The following FAM149A variants were observed in gnomAD, a reference collection of about 807,000 sequenced individuals.
FAM149A encodes family with sequence similarity 149 member A.
Under a neutral mutation model 78.2 loss-of-function variants are expected in FAM149A, and 71 were observed. The observed-to-expected ratio is 0.91, with a 90% CI of 0.75 to 1.11. FAM149A has a LOEUF of 1.11. Among genes scored for constraint, FAM149A ranks in the 50% least tolerant of loss-of-function variants. FAM149A has a pLI of 0.00. For missense variants in FAM149A, 1,036 were observed against 971.0 expected, an observed-to-expected ratio of 1.07 and a Z score of -0.89; for synonymous variants, 446 against 410.5, an observed-to-expected ratio of 1.09 and a Z score of -1.04.
Position 186,157,576 on chromosome 4 carries a change from CAG to C in FAM149A, c.1438_1439del (p.Glu480AsnfsTer55), listed in dbSNP as rs774121615. 1.5e-5 allele frequency: 25 copies of C among 1,613,856 alleles called. No homozygotes were observed. The highest frequency in any genetic ancestry group is 1.3e-4 in the South Asian group (12 of 91,078). ...TTCTGTTGACACAGAAGGGAAAAAA[CAG>C]AGAGAAACATTGAAAGTGGCTGGAA... On this transcript the variant is annotated frameshift_variant, in exon 8 of 14. Transcript: ENST00000389354. LOFTEE classifies it high-confidence loss of function.
intron 8 of FAM149A, chr4:186,158,465 A>G (rs1734246943): frequency 8.9e-7 from 1 of 1,123,404 alleles, no homozygotes; most frequent in Admixed American, 4.2e-5. Flanking sequence ...CACCCATGGG[A>G]GTCCACGCCT....
chr4:186,123,738 T>C (rs1579800252), intron 1 of FAM149A: 5 of 638,580 alleles, frequency 7.8e-6, no homozygotes, highest in African/African-American at 7.8e-5. Flanking sequence ...GATTCTTATG[T>C]TTCCTCTAAG....
chr4:186,165,424 G>C lies in FAM149A; in HGVS notation c.1970G>C (p.Arg657Thr). 6.2e-7 allele frequency: 1 copy of C among 1,614,010 alleles called. No homozygotes were observed. The highest frequency in any genetic ancestry group is 8.5e-7 in the Non-Finnish European group (1 of 1,179,886). The change falls in exon 11 of 14, where the codon AGG (arginine) becomes ACG (threonine). Residue 657 changes from arginine to threonine, a missense_variant. Physicochemically the swap from Arg to Thr is moderately conservative, Grantham distance 71. Around this residue, in one of 3 missense-constraint regions of FAM149A, gnomAD observed 716 missense variants for 711.8 expected, o/e 1.01. Coordinates refer to ENST00000389354, the MANE Select transcript of FAM149A (RefSeq NM_001367768.3). ...TTCCCCCCGCTAGTCACGGAGACCAGGGGGCAGAATACAGCAGTTCCTGGA... is the reference window on the plus strand; with the variant it reads ...TTCCCCCCGCTAGTCACGGAGACCACGGGGCAGAATACAGCAGTTCCTGGA...
chr4:186,106,804 G>T (rs756400108), intron 1 of FAM149A, among the ~76,000 whole-genome samples: 1 of 152,002 alleles, frequency 6.6e-6, no homozygotes, highest in Non-Finnish European at 1.5e-5. Flanking sequence ...AAAATTAGCC[G>T]GGCGTGGTGG....
intron 1 of FAM149A, among the ~76,000 whole-genome samples, chr4:186,119,980 G>A (rs2099315282): frequency 2.0e-5 from 3 of 152,184 alleles, no homozygotes; most frequent in Admixed American, 2.0e-4. Context: ...TTGAATATAT[G>A]AAGCGCAGTT....
At chr4:186,120,143 T>G (rs1038018842) in intron 1 of FAM149A, among the ~76,000 whole-genome samples, 1 of 152,238 alleles carries the variant, frequency 6.6e-6, no homozygotes, top group Non-Finnish European at 1.5e-5. Flanking sequence ...GCATTTGAAG[T>G]AACGGCTGGT....
intron 13 of FAM149A, chr4:186,167,632 G>T: frequency 3.4e-6 from 1 of 296,832 alleles, no homozygotes; most frequent in South Asian, 3.4e-5. Context: ...AAAATCTGAT[G>T]ATAAAAATGC....
chr4:186,145,642 C>T (rs1341781939), intron 1 of FAM149A, among the ~76,000 whole-genome samples: 1 of 152,128 alleles, frequency 6.6e-6, no homozygotes, highest in East Asian at 1.9e-4. Context: ...CCCTTAACCT[C>T]CATGCGCCAA....
rs1733271048 is a variant in FAM149A at position 186,149,089 on chromosome 4, A to G, written c.567-84A>G. The G allele has an allele frequency of 2.6e-6, 3 of 1,147,204 alleles. No homozygotes were observed. The South Asian group carries it at 4.7e-5, about 18-fold the overall frequency. The allele number at this position is 1,147,204 out of a possible 1,614,324, so 71.1% of individuals were successfully genotyped here. A position where few individuals can be genotyped will look rare whatever the true frequency, so the allele number is the denominator to read the frequency against. ...GGCAGAACGAGAGGAGCAACTTTGTATAAAAGAGAAATTTTAAAAGTCTTA... is the reference window on the plus strand; with the variant it reads ...GGCAGAACGAGAGGAGCAACTTTGTGTAAAAGAGAAATTTTAAAAGTCTTA... On this transcript the variant is annotated intron_variant, in intron 1 of 13. Transcript: ENST00000389354.
At chr4:186,126,710 C>G (rs2055915) in intron 1 of FAM149A, among the ~76,000 whole-genome samples, 43,415 of 151,996 alleles carry the variant, frequency 0.29, 6,653 homozygotes, top group African/African-American at 0.41. Context: ...TCTTCACACT[C>G]GGGCTGGATC....
intron 1 of FAM149A, chr4:186,133,125 A>T (rs1454347573): frequency 2.0e-6 from 2 of 985,258 alleles, no homozygotes; most frequent in African/African-American, 1.7e-5. Context: ...GGAGTCATGT[A>T]TTGTCTCGAC....
intron 1 of FAM149A, chr4:186,146,621 T>C (rs1484468305): frequency 1.2e-5 from 9 of 769,962 alleles, no homozygotes; most frequent in Non-Finnish European, 9.5e-6. Flanking sequence ...GCTTCAAAGT[T>C]GCACAAAAGC....
chr4:186,146,722 C>T (rs1733073457), intron 1 of FAM149A: 3 of 911,804 alleles, frequency 3.3e-6, no homozygotes, highest in Middle Eastern at 5.6e-4. Flanking sequence ...TATCAGCTGC[C>T]CAAAGAAGAG....
intron 1 of FAM149A, among the ~76,000 whole-genome samples, chr4:186,137,000 C>T (rs534459866): frequency 6.6e-4 from 91 of 136,876 alleles, no homozygotes; most frequent in Middle Eastern, 7.2e-3. Flanking sequence ...CTCTCTCTCT[C>T]TCTCTCTCTC....
At chr4:186,136,421 T>G (rs1290619686) in intron 1 of FAM149A, among the ~76,000 whole-genome samples, 2 of 152,338 alleles carry the variant, frequency 1.3e-5, no homozygotes, top group African/African-American at 4.8e-5. Context: ...GTTTCTCTGG[T>G]TCAAAGTAGT....
chr4:186,154,621 T>C lies in FAM149A; in HGVS notation c.1212T>C (p.Ala404=), dbSNP rs779260407. ...ATGGAAAGATTGAGGAGTATTTCGCTTTTGACAGAAAAGAGGAGTAAATAG... is the reference window on the plus strand; with the variant it reads ...ATGGAAAGATTGAGGAGTATTTCGCCTTTGACAGAAAAGAGGAGTAAATAG... Residue 404 remains alanine (A), a synonymous_variant, in exon 6 of 14, where the codon GCT becomes GCC. Coordinates refer to ENST00000389354, the MANE Select transcript of FAM149A (RefSeq NM_001367768.3). 6.2e-7 allele frequency: 1 copy of C among 1,613,810 alleles called. No individual in the cohort carries two copies. Among genetic ancestry groups the C allele is most frequent in the Non-Finnish European group, 8.5e-7 (1 of 1,179,854 alleles).
intron 8 of FAM149A, chr4:186,158,958 A>G (rs1211831652): frequency 3.7e-5 from 10 of 267,370 alleles, no homozygotes; most frequent in Non-Finnish European, 5.8e-5. Flanking sequence ...TGATTATTTC[A>G]TGAAGTTTAA....
Position 186,174,982 on chromosome 4 carries a change from C to T in FAM149A, c.*2995C>T, listed in dbSNP as rs146945111. 2.8e-4 allele frequency among the ~76,000 whole-genome samples: 31 copies of T among 110,958 alleles called. 9 individuals are homozygous for T. Among genetic ancestry groups the T allele is most frequent in the African/African-American group, 8.7e-4 (31 of 35,720 alleles). 72.8% of individuals were successfully genotyped at this position (110,958 alleles called of 152,430 possible). On this transcript the variant is annotated 3_prime_UTR_variant, in exon 14 of 14. Transcript: ENST00000389354. ...TAAATTCAGATTAGTGAATTTTACA[C>T]TAATTGAATTACATTAATTAAAATG...
intron 1 of FAM149A, chr4:186,146,661 G>A (rs1041047745): frequency 1.1e-5 from 8 of 704,558 alleles, no homozygotes; most frequent in Non-Finnish European, 8.7e-6. Flanking sequence ...AGGATAGACC[G>A]TCTTGAGCAG....
Sources: allele counts gnomAD v4.1 joint callset (sites outside exome capture counted in the v4.1 genomes callset), GRCh38; gene constraint gnomAD v4.1.1; regional missense constraint gnomAD v4.1.1; transcripts MANE v1.5; gene names NCBI Gene and HGNC (gene_info 2026-07-23, HGNC 2026-07-21).